SEPTIN11: variants seen among roughly 807,000 people sequenced by gnomAD.
SEPTIN11 encodes the protein septin 11.
A neutral mutation model predicts 51.4 loss-of-function variants in SEPTIN11; 25 were observed. The observed-to-expected ratio is 0.49, with a 90% confidence interval of 0.35 to 0.68. SEPTIN11 has a LOEUF of 0.68. SEPTIN11 is among the 30% of genes least tolerant of loss of function. The pLI, the probability that SEPTIN11 is intolerant of heterozygous loss-of-function variation, is 0.00. For missense variants in SEPTIN11, 381 were observed against 520.8 expected, an observed-to-expected ratio of 0.73 and a Z score of 2.61; for synonymous variants, 174 against 184.1, an observed-to-expected ratio of 0.95 and a Z score of 0.44.
At chr4:77,006,176 TC>T (rs1419499867) in intron 3 of SEPTIN11, among the ~76,000 whole-genome samples, 2 of 152,132 alleles carry the variant, frequency 1.3e-5, no homozygotes, top group East Asian at 3.9e-4. Context: ...ATCAATCACT[TC>T]ATACTGCTTG....
At position 76,956,962 on chromosome 4, in the gene SEPTIN11, A is replaced by ATGTGTGTGTGTGTGTGTGTG. The variant is rs202035045; in HGVS notation, c.27+7045_27+7064dup. On this transcript the variant is annotated intron_variant, in intron 1 of 9. Coordinates refer to ENST00000264893, the MANE Select transcript of SEPTIN11 (RefSeq NM_018243.4). ...GATTCTAGCTGGGCATAGTAGAATG[A>ATGTGTGTGTGTGTGTGTGTG]TGTGTGTGTGTGTGTGTGTGTGTGT... Among the ~76,000 whole-genome samples, 535 of 119,002 alleles carry ATGTGTGTGTGTGTGTGTGTG rather than the reference A, an allele frequency of 4.5e-3. 11 individuals carry two copies. Among genetic ancestry groups the ATGTGTGTGTGTGTGTGTGTG allele is most frequent in the African/African-American group, 6.3e-3 (188 of 29,912 alleles). The allele number at this position is 119,002 out of a possible 152,430, so 78.1% of individuals were successfully genotyped here.
intron 1 of SEPTIN11, among the ~76,000 whole-genome samples, chr4:76,971,641 G>A (rs1722248189): frequency 6.6e-6 from 1 of 152,250 alleles, no homozygotes. Flanking sequence ...AGAATATTGA[G>A]GAGGTTGTTT....
intron 5 of SEPTIN11, among the ~76,000 whole-genome samples, chr4:77,016,120 G>A (rs1725204909): frequency 6.6e-6 from 1 of 152,136 alleles, no homozygotes; most frequent in Non-Finnish European, 1.5e-5. Flanking sequence ...TGTGGGTATT[G>A]AGAGCTACAT....
chr4:77,011,791 A>G lies in SEPTIN11; in HGVS notation c.395A>G (p.Glu132Gly). The G allele has an allele frequency of 6.2e-7, 1 of 1,614,136 alleles. No homozygotes were observed. Among genetic ancestry groups the G allele is most frequent in the Non-Finnish European group, 8.5e-7 (1 of 1,180,008 alleles). Residue 132 changes from glutamate to glycine, a missense_variant, in exon 4 of 10, where the codon GAA becomes GGA. Glu to Gly is a moderately conservative substitution (Grantham distance 98, BLOSUM62 -2). This residue lies in a region of SEPTIN11 where 184 missense variants were observed against 207.7 expected (regional missense o/e 0.89). Transcript: ENST00000264893. ...CAGTTCGAGGCCTACCTGCAAGAGGAATTGAAGATTAAACGTTCTCTCTTC... is the reference window on the plus strand; with the variant it reads ...CAGTTCGAGGCCTACCTGCAAGAGGGATTGAAGATTAAACGTTCTCTCTTC... The part of the protein sequence containing the change: ...DAQFEAYLQE[E>G]LKIKRSLFNY...
In SEPTIN11 at chr4:77,036,216, AG is replaced by A. The variant is rs1727013830; in HGVS notation, c.*1705del. On this transcript the variant is annotated 3_prime_UTR_variant, in exon 10 of 10. Coordinates refer to ENST00000264893, the MANE Select transcript of SEPTIN11 (RefSeq NM_018243.4). Reference sequence around the variant, plus strand: ...GGAATAGAAACTACACACTAGACACAGCAGTAGTCATAGTCTTCACAGGTTT... The same window carrying A: ...GGAATAGAAACTACACACTAGACACACAGTAGTCATAGTCTTCACAGGTTT... 2 of 998,546 alleles carry A rather than the reference AG, an allele frequency of 2.0e-6. No individual in the cohort carries two copies. The highest frequency in any genetic ancestry group is 1.1e-4 in the Admixed American group (2 of 18,110). The allele number at this position is 998,546 out of a possible 1,614,324, so 61.9% of individuals were successfully genotyped here.
chr4:76,995,242 C>T (rs11726108), intron 1 of SEPTIN11, among the ~76,000 whole-genome samples: 79,182 of 151,142 alleles, frequency 0.52, 21,597 homozygotes, highest in Middle Eastern at 0.64. Context: ...ATTAGCTGGG[C>T]GTGGTGGCGC....
chr4:76,959,953 G>A (rs143455953), intron 1 of SEPTIN11, among the ~76,000 whole-genome samples: 20 of 152,056 alleles, frequency 1.3e-4, no homozygotes, highest in Non-Finnish European at 2.5e-4. Context: ...AGGGTAAATG[G>A]GGTGTCCATC....
chr4:77,018,397 C>T (rs368479410), intron 5 of SEPTIN11, among the ~76,000 whole-genome samples: 13 of 151,190 alleles, frequency 8.6e-5, no homozygotes, highest in African/African-American at 2.7e-4. Flanking sequence ...TGCAGTGAGC[C>T]GAGATCGCGC....
intron 1 of SEPTIN11, among the ~76,000 whole-genome samples, chr4:76,980,169 C>T (rs1366733803): frequency 1.3e-5 from 2 of 152,110 alleles, no homozygotes; most frequent in African/African-American, 4.8e-5. Context: ...TATAGGTACT[C>T]CCAGCAACTT....
downstream of SEPTIN11, chr4:77,039,845 T>C (rs1370789512): frequency 6.3e-6 from 4 of 631,754 alleles, no homozygotes; most frequent in Middle Eastern, 8.2e-4. Flanking sequence ...GCATCCCTTA[T>C]ATAAGTTGTT....
At chr4:77,004,404 A>C (rs2109946085) in intron 2 of SEPTIN11, among the ~76,000 whole-genome samples, 1 of 152,244 alleles carries the variant, frequency 6.6e-6, no homozygotes, top group East Asian at 1.9e-4. Context: ...CTGGATAAAG[A>C]AAAATAAAAA....
chr4:76,960,563 A>G (rs1052466032), intron 1 of SEPTIN11, among the ~76,000 whole-genome samples: 3 of 152,224 alleles, frequency 2.0e-5, no homozygotes, highest in Non-Finnish European at 1.5e-5. Context: ...ACTGGATTTT[A>G]TAACCCAGTC....
chr4:77,011,854 T>A lies in SEPTIN11; in HGVS notation c.458T>A (p.Phe153Tyr). 1 of 1,614,130 alleles carries A rather than the reference T, an allele frequency of 6.2e-7. No individual in the cohort carries two copies. Residue 153 changes from phenylalanine (F) to tyrosine (Y), a missense_variant, in exon 4 of 10, where the codon TTT becomes TAT. Around this residue, in one of 2 missense-constraint regions of SEPTIN11, gnomAD observed 184 missense variants for 207.7 expected, o/e 0.89. Transcript: ENST00000264893. ...ACGAGGATCCATGCCTGCCTCTACT[T>A]TATTGCCCCTACTGGACATTCACTA... ...HDTRIHACLY[F>Y]IAPTGHSLKS...
In SEPTIN11 at chr4:76,949,884, G is replaced by C. The variant is rs1250390139; in HGVS notation, c.-20G>C. The C allele has an allele frequency of 1.3e-6, 2 of 1,524,780 alleles. No homozygotes were observed. The highest frequency in any genetic ancestry group is 1.7e-6 in the Non-Finnish European group (2 of 1,143,102). The allele number at this position is 1,524,780 out of a possible 1,614,324, so 94.5% of individuals were successfully genotyped here. ...GGCGTAAAGCACCCGGGCGCAGCCG[G>C]AGCCGGTGCCGCAGCTGCGATGGCC... On this transcript the variant is annotated 5_prime_UTR_variant, in exon 1 of 10. Transcript: ENST00000264893.
Position 77,005,567 on chromosome 4 carries a change from C to G in SEPTIN11, c.143-34C>G. ...TGAACTGATGTCTGAGAGACATTGA[C>G]ACATTCTCTGATTTTTCTTTTGTGG... On this transcript the variant is annotated intron_variant, in intron 2 of 9. Coordinates refer to ENST00000264893, the MANE Select transcript of SEPTIN11 (RefSeq NM_018243.4). The G allele has an allele frequency of 1.9e-6, 3 of 1,569,846 alleles. No homozygotes were observed. The South Asian group carries it at 3.4e-5, about 18-fold the overall frequency.
intron 1 of SEPTIN11, chr4:76,996,086 A>G: frequency 2.3e-6 from 2 of 879,166 alleles, no homozygotes; most frequent in Middle Eastern, 6.9e-4. Context: ...AATGAAAGTG[A>G]TCAAAATGAC....
At chr4:76,992,208 C>G (rs1723418847) in intron 1 of SEPTIN11, among the ~76,000 whole-genome samples, 1 of 152,148 alleles carries the variant, frequency 6.6e-6, no homozygotes, top group South Asian at 2.1e-4. Context: ...CTTGGCATTG[C>G]CAGGATCAGC....
At chr4:77,016,633 C>CATATATATATATATATACACACAT in intron 5 of SEPTIN11, among the ~76,000 whole-genome samples, 1 of 72,746 alleles carries the variant, frequency 1.4e-5, no homozygotes, top group Non-Finnish European at 2.7e-5. Context: ...TATATATACA[C>CATATATATATATATATACACACAT]ATATATATAT....
intron 1 of SEPTIN11, among the ~76,000 whole-genome samples, chr4:76,954,804 C>T (rs1352970908): frequency 6.6e-6 from 1 of 152,180 alleles, no homozygotes; most frequent in Non-Finnish European, 1.5e-5. Flanking sequence ...GTTCTGTGGA[C>T]ACATTCTGCC....
Sources: gnomAD v4.1 joint callset for allele counts (sites outside exome capture counted in the v4.1 genomes callset) on GRCh38, gnomAD v4.1.1 for gene constraint, gnomAD v4.1.1 regional missense constraint, MANE v1.5 for transcripts, NCBI Gene and HGNC (gene_info 2026-07-23, HGNC 2026-07-21) for gene names.